CTIF: variants seen among roughly 807,000 people sequenced by gnomAD.
CTIF encodes the protein cap binding complex dependent translation initiation factor.
Under a neutral mutation model 66.0 loss-of-function variants are expected in CTIF, and 21 were observed. The ratio of observed to expected loss-of-function variants is 0.32; its 90% confidence interval spans 0.23 to 0.46. The LOEUF is 0.46. CTIF is among the 20% of genes least tolerant of loss of function. The pLI is 1.00. For synonymous variants in CTIF, 345 were observed against 326.4 expected, an observed-to-expected ratio of 1.06 and a Z score of -0.62; for missense variants, 739 against 812.7, an observed-to-expected ratio of 0.91 and a Z score of 1.10.
At chr18:48,712,329 G>A (rs117903752) in intron 7 of CTIF, among the ~76,000 whole-genome samples, 2,862 of 152,310 alleles carry the variant, frequency 0.019, 41 homozygotes, top group Non-Finnish European at 0.03. Flanking sequence ...CCCTGGATAA[G>A]AACATGCAGC....
intron 6 of CTIF, among the ~76,000 whole-genome samples, chr18:48,682,090 A>G (rs184127345): frequency 4.0e-4 from 61 of 152,160 alleles, no homozygotes; most frequent in Non-Finnish European, 6.9e-4. Flanking sequence ...CCAGCCCCAC[A>G]CCTGTTCTTC....
chr18:48,667,912 A>T (rs1437069411), intron 5 of CTIF, among the ~76,000 whole-genome samples: 1 of 152,102 alleles, frequency 6.6e-6, no homozygotes, highest in Non-Finnish European at 1.5e-5. Flanking sequence ...GTGGGGACAC[A>T]CTCCATGCGC....
chr18:48,696,123 A>G (rs955406922), intron 6 of CTIF, among the ~76,000 whole-genome samples: 2 of 152,234 alleles, frequency 1.3e-5, no homozygotes, highest in African/African-American at 4.8e-5. Context: ...TGTCAGTCTC[A>G]TTAGCATCTG....
At chr18:48,562,185 C>T (rs542985094) in intron 1 of CTIF, among the ~76,000 whole-genome samples, 4 of 152,376 alleles carry the variant, frequency 2.6e-5, no homozygotes, top group African/African-American at 9.6e-5. Context: ...ATGTGCCTGG[C>T]ACTGTACCAA....
At chr18:48,756,067 T>A (rs1178532800) in intron 7 of CTIF, 1 of 152,054 alleles carries the variant, frequency 6.6e-6, no homozygotes, top group Non-Finnish European at 1.5e-5. Flanking sequence ...CCAACAAAAG[T>A]CCACTCTTTC....
chr18:48,711,749 T>C lies in CTIF; in HGVS notation c.584+54T>C. The C allele has an allele frequency of 2.7e-6, 4 of 1,464,604 alleles. No individual in the cohort carries two copies. In the East Asian group the frequency reaches 9.1e-5, roughly 33 times the overall value. The allele number at this position is 1,464,604 out of a possible 1,614,324, so 90.7% of individuals were successfully genotyped here. A position where few individuals can be genotyped will look rare whatever the true frequency, so the allele number is the denominator to read the frequency against. On this transcript the variant is annotated intron_variant, in intron 7 of 11. Transcript: ENST00000256413. ...GTTTTCCTTTCCTGCTTCTGCCATC[T>C]GTAGCGACGTCAGCTTTGGCCTGCA...
intron 2 of CTIF, among the ~76,000 whole-genome samples, chr18:48,625,472 ATCT>A (rs1450265128): frequency 2.0e-5 from 3 of 152,196 alleles, no homozygotes; most frequent in Non-Finnish European, 4.4e-5. Context: ...TAACAATAAA[ATCT>A]TCTGTGCTAC....
intron 3 of CTIF, among the ~76,000 whole-genome samples, chr18:48,652,712 C>T (rs945778494): frequency 4.6e-5 from 7 of 152,166 alleles, no homozygotes; most frequent in Non-Finnish European, 7.4e-5. Context: ...TGATGAACAT[C>T]GATGTGAAAA....
At chr18:48,578,437 C>G (rs964596840) in intron 1 of CTIF, among the ~76,000 whole-genome samples, 1 of 152,178 alleles carries the variant, frequency 6.6e-6, no homozygotes, top group African/African-American at 2.4e-5. Flanking sequence ...TTTACAATCG[C>G]TTTAGCAATG....
At chr18:48,654,017 A>G (rs528955301) in intron 3 of CTIF, among the ~76,000 whole-genome samples, 1 of 152,358 alleles carries the variant, frequency 6.6e-6, no homozygotes, top group South Asian at 2.1e-4. Context: ...TAAAACCATA[A>G]AAACCCTAGA....
chr18:48,664,518 C>T lies in CTIF; in HGVS notation c.398C>T (p.Pro133Leu). The T allele has an allele frequency of 6.2e-7, 1 of 1,613,072 alleles. No individual in the cohort carries two copies. The highest frequency in any genetic ancestry group is 8.5e-7 in the Non-Finnish European group (1 of 1,179,982). Residue 133 changes from proline (P) to leucine (L), a missense_variant, in exon 5 of 12, where the codon CCC (proline) becomes CTC (leucine). Around this residue, in one of 2 missense-constraint regions of CTIF, gnomAD observed 529 missense variants for 520.3 expected, o/e 1.02. Transcript: ENST00000256413. ...TTCCACCGCAAAGTCCGACACACGC[C>T]CAAGCAGCCCCTGCCACACATCGAC... ...TQFHRKVRHT[P>L]KQPLPHIDRE... is the part of the protein sequence containing the mutation.
intron 6 of CTIF, among the ~76,000 whole-genome samples, chr18:48,675,052 C>T (rs1478201919): frequency 4.1e-3 from 14 of 3,424 alleles, no homozygotes; most frequent in Non-Finnish European, 8.1e-3. Flanking sequence ...GGGGGGTCGG[C>T]GGGGGTGGAG....
At chr18:48,725,060 T>C (rs2092374313) in intron 7 of CTIF, among the ~76,000 whole-genome samples, 2 of 152,118 alleles carry the variant, frequency 1.3e-5, no homozygotes, top group South Asian at 2.1e-4. Context: ...AAAGAGAAAA[T>C]GTGTTCTGGG....
chr18:48,693,119 A>G (rs2091956073), intron 6 of CTIF, among the ~76,000 whole-genome samples: 2 of 152,296 alleles, frequency 1.3e-5, no homozygotes, highest in East Asian at 1.9e-4. Flanking sequence ...CCACAGAGAA[A>G]TGTACTAGAT....
At chr18:48,677,612 T>C (rs1044152542) in intron 6 of CTIF, among the ~76,000 whole-genome samples, 7 of 152,198 alleles carry the variant, frequency 4.6e-5, no homozygotes, top group Admixed American at 1.3e-4. Flanking sequence ...ACCGATGTCT[T>C]TGGTCGGATG....
intron 10 of CTIF, among the ~76,000 whole-genome samples, chr18:48,855,484 TG>T (rs1355282103): frequency 1.3e-5 from 2 of 152,230 alleles, no homozygotes; most frequent in African/African-American, 2.4e-5. Flanking sequence ...CCTTGAGTTG[TG>T]GGTTAGGAGT....
chr18:48,740,106 C>A (rs2092541006), intron 7 of CTIF, among the ~76,000 whole-genome samples: 1 of 152,204 alleles, frequency 6.6e-6, no homozygotes, highest in Non-Finnish European at 1.5e-5. Context: ...CTGTAACTTG[C>A]CTGGGGTTAT....
intron 10 of CTIF, among the ~76,000 whole-genome samples, chr18:48,821,446 G>A (rs11874293): frequency 0.2 from 31,138 of 152,246 alleles, 3,737 homozygotes; most frequent in African/African-American, 0.33. Context: ...GGTAGAATCA[G>A]TCCTGGAATC....
chr18:48,636,853 C>CTGGAGTTAGGGG (rs1448789570), intron 3 of CTIF, among the ~76,000 whole-genome samples, 168 bp downstream of exon 3: 2 of 152,080 alleles, frequency 1.3e-5, no homozygotes, highest in Admixed American at 6.5e-5. Context: ...AACTCCCTGC[C>CTGGAGTTAGGGG]CACAGGGAAG....
Sources: gnomAD v4.1 joint callset for allele counts (sites outside exome capture counted in the v4.1 genomes callset) on GRCh38, gnomAD v4.1.1 for gene constraint, gnomAD v4.1.1 regional missense constraint, MANE v1.5 for transcripts, NCBI Gene and HGNC (gene_info 2026-07-23, HGNC 2026-07-21) for gene names.